Variants in COX20 observed in about 807,000 individuals in gnomAD.
COX20 encodes the protein cytochrome c oxidase assembly factor COX20, also known as cytochrome c oxidase assembly protein COX20, mitochondrial.
A neutral mutation model predicts 14.3 loss-of-function variants in COX20; 14 were observed. The observed-to-expected ratio is 0.98, with a 90% CI of 0.65 to 1.53. The LOEUF (loss-of-function observed/expected upper bound fraction) is 1.53, where lower values mean the gene tolerates loss of function less well. COX20 is among the 40% of genes most tolerant of loss of function. COX20 has a pLI of 0.00. For missense variants in COX20, 149 were observed against 142.1 expected (o/e 1.05, Z -0.25); for synonymous variants, 56 against 51.7 (o/e 1.08, Z -0.36).
chr1:244,842,099 A>T (rs751717396), intron 2 of COX20, 41 bp downstream of exon 2: 27 of 1,522,706 alleles, frequency 1.8e-5, no homozygotes, highest in Non-Finnish European at 2.3e-5. Flanking sequence ...TACTAAAAAA[A>T]GCATTTCTCT....
intron 1 of COX20, 73 bp downstream of exon 1, chr1:244,835,829 G>T (rs968261651): frequency 2.5e-5 from 28 of 1,115,160 alleles, no homozygotes; most frequent in Non-Finnish European, 2.6e-5. Flanking sequence ...GAGCTCCTAG[G>T]CCCGGAGCAC....
At position 244,845,040 on chromosome 1, in the gene COX20, A is replaced by C. The variant is rs949874028; in HGVS notation, c.*1864A>C. On this transcript the variant is annotated 3_prime_UTR_variant, in exon 4 of 4. Coordinates refer to ENST00000411948, the MANE Select transcript of COX20 (RefSeq NM_198076.6). ...TACTTATAATGTCTAATACAAAATA[A>C]ATGCTATGTAAATGTAATTATTATA... The C allele has an allele frequency of 3.0e-5, 5 of 166,280 alleles. No individual in the cohort carries two copies. Among genetic ancestry groups the C allele is most frequent in the Non-Finnish European group, 7.3e-5 (5 of 68,116 alleles). The allele number at this position is 166,280 out of a possible 1,614,324, so 10.3% of individuals were successfully genotyped here.
chr1:244,844,004 A>G lies in COX20; in HGVS notation c.*828A>G, dbSNP rs983390753. The G allele has an allele frequency of 1.3e-5, 2 of 152,224 alleles. No individual in the cohort carries two copies. Among genetic ancestry groups the G allele is most frequent in the African/African-American group, 4.8e-5 (2 of 41,464 alleles). 9.4% of individuals were successfully genotyped at this position (152,224 alleles called of 1,614,324 possible). On this transcript the variant is annotated 3_prime_UTR_variant, in exon 4 of 4. Transcript: ENST00000411948. ...TATTTCTGGTTTTAATTCATACAATACTTTAAGAAAATCTGTTAAATATAA... is the reference window on the plus strand; with the variant it reads ...TATTTCTGGTTTTAATTCATACAATGCTTTAAGAAAATCTGTTAAATATAA...
At position 244,843,577 on chromosome 1, in the gene COX20, G is replaced by C. The variant is rs1362829824; in HGVS notation, c.*401G>C. The C allele has an allele frequency of 6.4e-6, 1 of 155,210 alleles. No individual in the cohort carries two copies. Among genetic ancestry groups the C allele is most frequent in the Non-Finnish European group, 1.4e-5 (1 of 70,172 alleles). 9.6% of individuals were successfully genotyped at this position (155,210 alleles called of 1,614,324 possible). On this transcript the variant is annotated 3_prime_UTR_variant, in exon 4 of 4. Transcript: ENST00000411948. ...GCAAATACTTACTGAGTTCTTGTAA[G>C]AGCTAATGTCATTGTAAGATTTAAA... is the stretch of plus-strand genomic sequence containing the variant.
At chr1:244,840,850 A>T (rs1680173716) in intron 1 of COX20, 1 of 152,160 alleles carries the variant, frequency 6.6e-6, no homozygotes, top group African/African-American at 2.4e-5. Flanking sequence ...GTATCACCTC[A>T]TCCTATAGAA....
chr1:244,838,971 G>C (rs768083193), intron 1 of COX20, among the ~76,000 whole-genome samples: 5 of 152,162 alleles, frequency 3.3e-5, no homozygotes, highest in Non-Finnish European at 7.4e-5. Flanking sequence ...TGTACTTTTA[G>C]TAGAGACAGG....
chr1:244,835,734 C>A lies in COX20; in HGVS notation c.20C>A (p.Pro7His). ...GTCCTCATGGCCGCCCCGCCGGAGC[C>A]CGGTGAGCCCGAGGAGAGGAAGGTA... The part of the protein sequence containing the change: MAAPPE[P>H]GEPEERKSLK... Residue 7 changes from proline to histidine, a missense_variant, in exon 1 of 4, where the codon CCC (proline) becomes CAC (histidine). Coordinates refer to ENST00000411948, the MANE Select transcript of COX20 (RefSeq NM_198076.6). 7.9e-7 allele frequency: 1 copy of A among 1,273,144 alleles called. No individual in the cohort carries two copies. The highest frequency in any genetic ancestry group is 9.9e-7 in the Non-Finnish European group (1 of 1,005,936). 78.9% of individuals were successfully genotyped at this position (1,273,144 alleles called of 1,614,324 possible).
At chr1:244,835,785 C>A in intron 1 of COX20, 29 bp downstream of exon 1, 1 of 1,245,540 alleles carries the variant, frequency 8.0e-7, no homozygotes, top group Non-Finnish European at 1.0e-6. Flanking sequence ...GGGCGCGCGC[C>A]GCGGGTGGGC....
intron 1 of COX20, among the ~76,000 whole-genome samples, chr1:244,838,136 T>C (rs1386995310): frequency 6.6e-6 from 1 of 152,186 alleles, no homozygotes; most frequent in East Asian, 1.9e-4. Context: ...AGAATGTGGA[T>C]CCTTCCAGAC....
chr1:244,844,779 A>AT lies in COX20; in HGVS notation c.*1605dup, dbSNP rs34289944. The AT allele has an allele frequency of 3.9e-5, 6 of 152,002 alleles. No individual in the cohort carries two copies. The highest frequency in any genetic ancestry group is 3.3e-4 in the Admixed American group (5 of 15,250). The allele number at this position is 152,002 out of a possible 1,614,324, so 9.4% of individuals were successfully genotyped here. ...GACTCCATCTCAAAAAAAAAAAAAA[A>AT]TTCCATAGGATGTTCAACCATGTTT... is the stretch of plus-strand genomic sequence containing the variant. On this transcript the variant is annotated 3_prime_UTR_variant, in exon 4 of 4. Coordinates refer to ENST00000411948, the MANE Select transcript of COX20 (RefSeq NM_198076.6).
intron 1 of COX20, among the ~76,000 whole-genome samples, chr1:244,836,024 A>T (rs1176244728): frequency 6.6e-6 from 1 of 152,196 alleles, no homozygotes; most frequent in Non-Finnish European, 1.5e-5. Context: ...AACAATACTG[A>T]ATCTTTGGCG....
intron 1 of COX20, among the ~76,000 whole-genome samples, chr1:244,836,117 G>T (rs757017366): frequency 1.3e-5 from 2 of 152,206 alleles, no homozygotes; most frequent in African/African-American, 4.8e-5. Context: ...TTGAGGACAG[G>T]TGCCTTGTCT....
In COX20 at chr1:244,843,573, G is replaced by T. The variant is rs577640391; in HGVS notation, c.*397G>T. On this transcript the variant is annotated 3_prime_UTR_variant, in exon 4 of 4. Transcript: ENST00000411948. ...AACAGCAAATACTTACTGAGTTCTT[G>T]TAAGAGCTAATGTCATTGTAAGATT... 229 of 157,056 alleles carry T rather than the reference G, an allele frequency of 1.5e-3. 1 individual carries two copies. Among genetic ancestry groups the T allele is most frequent in the Middle Eastern group, 6.3e-3 (2 of 316 alleles). 9.7% of individuals were successfully genotyped at this position (157,056 alleles called of 1,614,324 possible).
chr1:244,835,739 GA>G lies in COX20; in HGVS notation c.26del (p.Glu9GlyfsTer11). The G allele has an allele frequency of 1.6e-6, 2 of 1,273,440 alleles. No homozygotes were observed. Among genetic ancestry groups the G allele is most frequent in the Non-Finnish European group, 2.0e-6 (2 of 1,005,868 alleles). 78.9% of individuals were successfully genotyped at this position (1,273,440 alleles called of 1,614,324 possible). On this transcript the variant is annotated frameshift_variant, in exon 1 of 4. Transcript: ENST00000411948. LOFTEE classifies it high-confidence loss of function. Reference sequence around the variant, plus strand: ...CATGGCCGCCCCGCCGGAGCCCGGTGAGCCCGAGGAGAGGAAGGTAACCTGG... The same window carrying G: ...CATGGCCGCCCCGCCGGAGCCCGGTGGCCCGAGGAGAGGAAGGTAACCTGG... MAAPPEPG[E>X]PEERKSLKLL...
intron 3 of COX20, chr1:244,842,497 T>C: frequency 2.0e-6 from 1 of 498,612 alleles, no homozygotes. Context: ...GCCTCAACCA[T>C]TTCCCTTACC....
Position 244,841,990 on chromosome 1 carries a change from C to T in COX20, c.89C>T (p.Ala30Val). The T allele has an allele frequency of 6.2e-7, 1 of 1,611,796 alleles. No individual in the cohort carries two copies. The highest frequency in any genetic ancestry group is 1.1e-5 in the South Asian group (1 of 90,916). Residue 30 changes from alanine to valine, a missense_variant, in exon 2 of 4, where the codon GCC becomes GTC. Coordinates refer to ENST00000411948, the MANE Select transcript of COX20 (RefSeq NM_198076.6). The part of the protein sequence containing the change: ...GFLDVENTPC[A>V]RHSILYGSLG... Reference sequence around the variant, plus strand: ...TTAGATGTTGAAAATACTCCCTGCGCCCGGCATTCAATATTGTATGGTTCA... The same window carrying T: ...TTAGATGTTGAAAATACTCCCTGCGTCCGGCATTCAATATTGTATGGTTCA...
rs909113441 is a variant in COX20, at chr1:244,842,399, T to C, written c.221+141T>C. ...ATCTTGATTTTTCAGGACATTTTCA[T>C]GGAAATCTTAAAATGCTTGAACAGA... On this transcript the variant is annotated intron_variant, in intron 3 of 3. Transcript: ENST00000411948. 20 of 689,542 alleles carry C rather than the reference T, an allele frequency of 2.9e-5. No individual in the cohort carries two copies. In the African/African-American group the frequency reaches 3.2e-4, roughly 11 times the overall value. 42.7% of individuals were successfully genotyped at this position (689,542 alleles called of 1,614,324 possible).
chr1:244,835,574 C>A (rs574818568), upstream of COX20: 192 of 531,284 alleles, frequency 3.6e-4, 1 homozygote, highest in African/African-American at 3.5e-3. Context: ...TAGGAACATT[C>A]CCTAAAATGG....
intron 1 of COX20, chr1:244,836,616 G>T (rs1679994941): frequency 1.5e-5 from 17 of 1,127,144 alleles, no homozygotes; most frequent in Non-Finnish European, 1.3e-6. Context: ...ATTCAGAAAA[G>T]AATAATGCAA....
Sources: gnomAD v4.1 joint callset for allele counts (sites outside exome capture counted in the v4.1 genomes callset) on GRCh38, gnomAD v4.1.1 for gene constraint, MANE v1.5 for transcripts, NCBI Gene and HGNC (gene_info 2026-07-23, HGNC 2026-07-21) for gene names.